CDC42BPG: variants seen among roughly 807,000 people sequenced by gnomAD.
CDC42BPG encodes the protein serine/threonine-protein kinase MRCK gamma.
In CDC42BPG, 157 loss-of-function variants were observed where a neutral mutation model predicts 192.2. The ratio of observed to expected loss-of-function variants is 0.82; its 90% CI spans 0.72 to 0.93. The LOEUF is 0.93. Ranked by LOEUF, CDC42BPG falls within the 40% of genes least tolerant of loss-of-function variation. The probability of loss-of-function intolerance (pLI) is 0.00; values close to 1 mark genes in which losing one functional copy is unlikely to be tolerated. For missense variants in CDC42BPG, 1,992 were observed against 2,122.1 expected, an observed-to-expected ratio of 0.94 and a Z score of 1.20; for synonymous variants, 981 against 918.5, an observed-to-expected ratio of 1.07 and a Z score of -1.23.
rs1369835069 is a variant in CDC42BPG, at chr11:64,837,029, G to A, written c.1206-10C>T. 8 of 1,606,450 alleles carry A rather than the reference G, an allele frequency of 5.0e-6. No individual in the cohort carries two copies. Among genetic ancestry groups the A allele is most frequent in the South Asian group, 4.4e-5 (4 of 90,964 alleles). On this transcript the variant is annotated splice_polypyrimidine_tract_variant and intron_variant, in intron 9 of 36. Coordinates refer to ENST00000342711, the MANE Select transcript of CDC42BPG (RefSeq NM_017525.3). ...GCTCTCAGGACTGTGACTGTAGGGGGACAGGGGCCATGTTTGTTGGTAGAA... is the reference window on the plus strand; with the variant it reads ...GCTCTCAGGACTGTGACTGTAGGGGAACAGGGGCCATGTTTGTTGGTAGAA...
chr11:64,835,679 G>A (rs1203048473), intron 14 of CDC42BPG, 58 bp from the exon 15 acceptor site: 15 of 1,592,624 alleles, frequency 9.4e-6, no homozygotes, highest in African/African-American at 1.3e-5. Flanking sequence ...CCACCCACCT[G>A]GGACACAGGC....
rs1942315267 is a variant in CDC42BPG, at chr11:64,823,393, T to G, written c.*1080A>C. ...GAGCCACCGCGCCCGGCATCTTTATTGGTTTCTTGCGCCTCACAGAGCATC... is the reference window on the plus strand; with the variant it reads ...GAGCCACCGCGCCCGGCATCTTTATGGGTTTCTTGCGCCTCACAGAGCATC... On this transcript the variant is annotated 3_prime_UTR_variant, in exon 37 of 37. Coordinates refer to ENST00000342711, the MANE Select transcript of CDC42BPG (RefSeq NM_017525.3). 1 of 152,190 alleles carries G rather than the reference T, an allele frequency of 6.6e-6. No homozygotes were observed. Among genetic ancestry groups the G allele is most frequent in the Non-Finnish European group, 1.5e-5 (1 of 68,056 alleles). The allele number at this position is 152,190 out of a possible 1,614,324, so 9.4% of individuals were successfully genotyped here. A position where few individuals can be genotyped will look rare whatever the true frequency, so the allele number is the denominator to read the frequency against.
chr11:64,827,544 A>G lies in CDC42BPG; in HGVS notation c.4133T>C (p.Leu1378Pro). The G allele has an allele frequency of 6.2e-7, 1 of 1,612,284 alleles. No homozygotes were observed. Among genetic ancestry groups the G allele is most frequent in the Non-Finnish European group, 8.5e-7 (1 of 1,178,988 alleles). ...TCCCTCACCTGCCAGCTGGTTCCTG[A>G]GGTAGGTCAGGCGGACCTTCTCGGT... ...YGTEKVRLTYLRNQLAEKDEF... is the reference protein window; with the variant it reads ...YGTEKVRLTYPRNQLAEKDEF... Residue 1378 changes from leucine to proline, a missense_variant, in exon 32 of 37, where the codon CTC (leucine) becomes CCC (proline). Leu to Pro is a moderately conservative substitution (Grantham distance 98). Coordinates refer to ENST00000342711, the MANE Select transcript of CDC42BPG (RefSeq NM_017525.3).
Position 64,832,807 on chromosome 11 carries a change from TC to T in CDC42BPG, c.2865+18del. On this transcript the variant is annotated intron_variant, in intron 25 of 36. Coordinates refer to ENST00000342711, the MANE Select transcript of CDC42BPG (RefSeq NM_017525.3). ...TCAGCCCCCCATGCCCATCTTCCCCTCCCTCGGCCCCCACTCACCGACAGAA... is the reference window on the plus strand; with the variant it reads ...TCAGCCCCCCATGCCCATCTTCCCCTCCTCGGCCCCCACTCACCGACAGAA... The T allele has an allele frequency of 1.3e-6, 2 of 1,588,176 alleles. No individual in the cohort carries two copies. Among genetic ancestry groups the T allele is most frequent in the African/African-American group, 2.7e-5 (2 of 73,954 alleles).
intron 32 of CDC42BPG, 64 bp from the exon 33 acceptor site, chr11:64,827,462 C>T (rs763626319): frequency 8.7e-6 from 14 of 1,603,992 alleles, no homozygotes; most frequent in African/African-American, 1.3e-5. Context: ...AGCTGGCATT[C>T]AGGGCCACAC....
intron 17 of CDC42BPG, 30 bp downstream of exon 17, chr11:64,835,017 T>TTCCCCCCC: frequency 6.4e-7 from 1 of 1,571,960 alleles, no homozygotes; most frequent in Non-Finnish European, 8.7e-7. Context: ...TCGCCTGCGT[T>TTCCCCCCC]CCCCACCCCG....
intron 3 of CDC42BPG, 97 bp downstream of exon 3, chr11:64,841,553 C>T: frequency 1.0e-6 from 1 of 987,806 alleles, no homozygotes. Flanking sequence ...TGGTCTGCAG[C>T]CTTGCCCGCC....
rs1260440098 is a variant in CDC42BPG, at chr11:64,824,328, C to T, written c.*145G>A. 1.6e-5 allele frequency: 12 copies of T among 742,294 alleles called. No homozygotes were observed. Among genetic ancestry groups the T allele is most frequent in the African/African-American group, 3.4e-5 (2 of 58,170 alleles). 46.0% of individuals were successfully genotyped at this position (742,294 alleles called of 1,614,324 possible). A position where few individuals can be genotyped will look rare whatever the true frequency, so the allele number is the denominator to read the frequency against. On this transcript the variant is annotated 3_prime_UTR_variant, in exon 37 of 37. Coordinates refer to ENST00000342711, the MANE Select transcript of CDC42BPG (RefSeq NM_017525.3). Reference sequence around the variant, plus strand: ...GACCCCCAAGTCCTGGGAACCCAGGCAAGTCTCCCAGTCATTGCCCAGCCC... The same window carrying T: ...GACCCCCAAGTCCTGGGAACCCAGGTAAGTCTCCCAGTCATTGCCCAGCCC...
chr11:64,839,774 AG>A (rs1303073023), intron 5 of CDC42BPG, among the ~76,000 whole-genome samples: 1 of 152,210 alleles, frequency 6.6e-6, no homozygotes, highest in Non-Finnish European at 1.5e-5. Flanking sequence ...GATTGTAGAA[AG>A]GATGTGTGGG....
At chr11:64,838,254 TC>T in intron 8 of CDC42BPG, 92 bp from the exon 9 acceptor site, 1 of 957,988 alleles carries the variant, frequency 1.0e-6, no homozygotes, top group Non-Finnish European at 1.6e-6. Context: ...TGCGACCACC[TC>T]CTGCACAGGT....
rs1279205917 is a variant in CDC42BPG at position 64,826,685 on chromosome 11, C to A, written c.4499G>T (p.Gly1500Val). ...PASMGSEGLG[G>V]DADPMKRKPW... ...GCTGCCCTTACTGGGGTCTGCGTCT[C>A]CACCGAGGCCTTCGCTGCCCATGGA... The change falls in exon 35 of 37, where the codon GGA (glycine) becomes GTA (valine). Residue 1500 changes from glycine to valine, a missense_variant. By Grantham distance (109) the Gly-to-Val change is moderately radical. Transcript: ENST00000342711. The A allele has an allele frequency of 1.9e-6, 3 of 1,560,768 alleles. No individual in the cohort carries two copies. Among genetic ancestry groups the A allele is most frequent in the South Asian group, 2.4e-5 (2 of 84,008 alleles).
intron 18 of CDC42BPG, 59 bp from the exon 19 acceptor site, chr11:64,834,636 CCCTGCTACCAGAGCAT>C: frequency 6.8e-7 from 1 of 1,478,120 alleles, no homozygotes; most frequent in Non-Finnish European, 9.0e-7. Context: ...CTCAGGGACC[CCCTGCTACCAGAGCAT>C]CCTGCTACCC....
chr11:64,827,055 A>G lies in CDC42BPG; in HGVS notation c.4384T>C (p.Ser1462Pro). 1 of 1,603,296 alleles carries G rather than the reference A, an allele frequency of 6.2e-7. No homozygotes were observed. Among genetic ancestry groups the G allele is most frequent in the Non-Finnish European group, 8.5e-7 (1 of 1,171,518 alleles). The change falls in exon 34 of 37, where the codon TCC becomes CCC. Residue 1462 changes from serine (S) to proline (P), a missense_variant. Ser to Pro is a moderately conservative substitution (Grantham distance 74). This residue lies in a region of CDC42BPG where 336 missense variants were observed against 277.9 expected (regional missense o/e 1.21). Coordinates refer to ENST00000342711, the MANE Select transcript of CDC42BPG (RefSeq NM_017525.3). ...ANGRPGARDK[S>P]PAPEEKGRVA... The stretch of plus-strand genomic sequence containing the variant: ...ATTGGCTCCAGAGGACTAACCGGGG[A>G]CTTGTCCCTGGCGCCGGGCCGCCCG...
intron 9 of CDC42BPG, 43 bp downstream of exon 9, chr11:64,838,040 G>T: frequency 5.3e-6 from 8 of 1,521,716 alleles, no homozygotes; most frequent in Non-Finnish European, 7.1e-6. Flanking sequence ...TCCAGGTCAG[G>T]CAACCCCGAG....
intron 34 of CDC42BPG, 122 bp from the exon 35 acceptor site, chr11:64,826,916 C>G: frequency 8.0e-7 from 1 of 1,243,452 alleles, no homozygotes; most frequent in South Asian, 1.5e-5. Context: ...TACTTAAGTC[C>G]CAGGTAGCAG....
At chr11:64,839,673 C>T (rs1051443530) in intron 5 of CDC42BPG, 102 bp from the exon 6 acceptor site, 2 of 893,330 alleles carry the variant, frequency 2.2e-6, no homozygotes, top group African/African-American at 3.3e-5. Context: ...CCAGCACCAG[C>T]TCACACACAT....
At position 64,836,779 on chromosome 11, in the gene CDC42BPG, C is replaced by T. The variant is rs774892366; in HGVS notation, c.1344G>A (p.Gln448=). 1.3e-6 allele frequency: 2 copies of T among 1,582,416 alleles called. No individual in the cohort carries two copies. Among genetic ancestry groups the T allele is most frequent in the East Asian group, 4.6e-5 (2 of 43,748 alleles). The part of the protein sequence containing the change: ...HAPTDHRELE[Q]LRKEVQTLRD... ...GCAGAGTCTGCACTTCCTTCCGTAG[C>T]TGCTCCAGCTCCCGATGGTCTGTGG... Residue 448 remains glutamine, a synonymous_variant, in exon 11 of 37, where the codon CAG becomes CAA. Transcript: ENST00000342711.
intron 36 of CDC42BPG, among the ~76,000 whole-genome samples, chr11:64,825,327 G>A (rs931634286): frequency 2.6e-5 from 4 of 152,176 alleles, no homozygotes; most frequent in African/African-American, 9.7e-5. Context: ...ACAGTCAACA[G>A]AGGAGAACAG....
intron 3 of CDC42BPG, 110 bp from the exon 4 acceptor site, chr11:64,840,758 G>A: frequency 1.1e-6 from 1 of 920,430 alleles, no homozygotes; most frequent in Non-Finnish European, 1.7e-6. Context: ...AGCTCAGATG[G>A]AGGTCATAGC....
Sources: gnomAD v4.1 joint callset for allele counts (sites outside exome capture counted in the v4.1 genomes callset) on GRCh38, gnomAD v4.1.1 for gene constraint, gnomAD v4.1.1 regional missense constraint, MANE v1.5 for transcripts, NCBI Gene and HGNC (gene_info 2026-07-23, HGNC 2026-07-21) for gene names.